The following TACC3 variants were observed in gnomAD, a reference collection of about 807,000 sequenced individuals.
TACC3 encodes the protein transforming acidic coiled-coil containing protein 3.
TACC3 carries 52 observed loss-of-function variants against 86.0 expected under a neutral mutation model. The ratio of observed to expected loss-of-function variants is 0.60; its 90% CI spans 0.48 to 0.76. TACC3 has a LOEUF of 0.76. Ranked by LOEUF, TACC3 falls within the 30% of genes least tolerant of loss-of-function variation. The pLI, the probability that TACC3 is intolerant of heterozygous loss-of-function variation, is 0.00. For synonymous variants in TACC3, 512 were observed against 430.0 expected, an observed-to-expected ratio of 1.19 and a Z score of -2.36; for missense variants, 1,120 against 1,070.4, an observed-to-expected ratio of 1.05 and a Z score of -0.65.
At chr4:1,739,084 G>A (rs534540984) in intron 10 of TACC3, among the ~76,000 whole-genome samples, 20 of 152,262 alleles carry the variant, frequency 1.3e-4, no homozygotes, top group African/African-American at 2.9e-4. Context: ...CGAGGTGGGC[G>A]GATCACGAGG....
chr4:1,728,876 A>G, intron 4 of TACC3, 89 bp downstream of exon 4: 2 of 1,332,606 alleles, frequency 1.5e-6, no homozygotes, highest in South Asian at 1.4e-5. Context: ...AAGTGTCATC[A>G]GATACTCCTT....
intron 1 of TACC3, among the ~76,000 whole-genome samples, chr4:1,722,117 C>G (rs915901976): frequency 1.4e-4 from 21 of 152,202 alleles, no homozygotes; most frequent in Non-Finnish European, 2.8e-4. Flanking sequence ...ACCTTCCCCC[C>G]GCACCGCATC....
intron 6 of TACC3, among the ~76,000 whole-genome samples, chr4:1,734,297 C>G (rs1718148647): frequency 6.6e-6 from 1 of 152,126 alleles, no homozygotes; most frequent in Admixed American, 6.5e-5. Context: ...AAGCGATTCT[C>G]CTGCCTCAGC....
At chr4:1,731,345 G>C (rs756426507) in intron 6 of TACC3, 44 bp downstream of exon 6, 1 of 1,597,418 alleles carries the variant, frequency 6.3e-7, no homozygotes, top group Admixed American at 1.7e-5. Context: ...TGCCCGGAGG[G>C]GATCCCGTGA....
Position 1,728,030 on chromosome 4 carries a change from T to G in TACC3, c.628T>G (p.Ser210Ala), listed in dbSNP as rs1408078390. 6.2e-7 allele frequency: 1 copy of G among 1,612,594 alleles called. No individual in the cohort carries two copies. ...CCTAGAAGACCCTTGCAGGACAGAGTCCCAGCACAAAGCGGAGACTCCGCA... is the reference window on the plus strand; with the variant it reads ...CCTAGAAGACCCTTGCAGGACAGAGGCCCAGCACAAAGCGGAGACTCCGCA... ...ETLEDPCRTE[S>A]QHKAETPHGA... is the part of the protein sequence containing the mutation. The change falls in exon 4 of 16, where the codon TCC becomes GCC. Residue 210 changes from serine to alanine, a missense_variant. By Grantham distance (99) the Ser-to-Ala change is moderately conservative. Coordinates refer to ENST00000313288, the MANE Select transcript of TACC3 (RefSeq NM_006342.3).
chr4:1,739,501 C>A lies in TACC3; in HGVS notation c.1942-201C>A, dbSNP rs1718458478. On this transcript the variant is annotated intron_variant, in intron 10 of 15. Transcript: ENST00000313288. ...AGCCAGCAGCCTCATGCCTCCTGCCCCCTGGCAGTCGGGTGCACGTGGAGC... is the reference window on the plus strand; with the variant it reads ...AGCCAGCAGCCTCATGCCTCCTGCCACCTGGCAGTCGGGTGCACGTGGAGC... 5.1e-6 allele frequency: 3 copies of A among 593,634 alleles called. No individual in the cohort carries two copies. In the African/African-American group the frequency reaches 5.6e-5, roughly 11 times the overall value. The allele number at this position is 593,634 out of a possible 1,614,324, so 36.8% of individuals were successfully genotyped here.
Position 1,744,775 on chromosome 4 carries a change from C to A in TACC3, c.2394C>A (p.Ala798=). 1 of 1,612,830 alleles carries A rather than the reference C, an allele frequency of 6.2e-7. No individual in the cohort carries two copies. The highest frequency in any genetic ancestry group is 8.5e-7 in the Non-Finnish European group (1 of 1,180,020). The change falls in exon 15 of 16, where the codon GCC becomes GCA. Residue 798 remains alanine, a synonymous_variant. Transcript: ENST00000313288. The part of the protein sequence containing the change: ...KAQAEALALQ[A]SLRKEQMRIQ... ...AGGCGGAAGCGTTGGCCCTCCAGGC[C>A]AGCCTGAGGAAGGAGCAGATGCGCA... is the stretch of plus-strand genomic sequence containing the variant.
intron 12 of TACC3, chr4:1,740,354 G>A (rs1718526699): frequency 2.3e-6 from 1 of 429,580 alleles, no homozygotes; most frequent in Non-Finnish European, 4.2e-6. Flanking sequence ...CTCTGTAGGT[G>A]TCTGGCAGGA....
rs1023814001 is a variant in TACC3, at chr4:1,735,650, C to T, written c.1645-81C>T. The T allele has an allele frequency of 6.2e-6, 7 of 1,127,196 alleles. No individual in the cohort carries two copies. In the Admixed American group the frequency reaches 1.0e-4, roughly 17 times the overall value. The allele number at this position is 1,127,196 out of a possible 1,614,324, so 69.8% of individuals were successfully genotyped here. A position where few individuals can be genotyped will look rare whatever the true frequency, so the allele number is the denominator to read the frequency against. On this transcript the variant is annotated intron_variant, in intron 7 of 15. Transcript: ENST00000313288. The surrounding 1 kb of genome is among the most constrained non-coding windows in gnomAD (Gnocchi z 4.2). ...GCGGGTGACCGGGGGTGGGAGTGTG[C>T]AGGTGACCTCCCTGGCCCTTAGCCC...
chr4:1,727,518 G>A (rs1410481304), intron 3 of TACC3, among the ~76,000 whole-genome samples, 190 bp from the exon 4 acceptor site: 1 of 152,184 alleles, frequency 6.6e-6, no homozygotes, highest in African/African-American at 2.4e-5. Flanking sequence ...CCGGGAGCTG[G>A]TCCCTGGGAG....
chr4:1,743,551 T>TAAA (rs924737953), intron 13 of TACC3, among the ~76,000 whole-genome samples: 1 of 11,990 alleles, frequency 8.3e-5, no homozygotes, highest in Non-Finnish European at 1.6e-3. Flanking sequence ...AGTCTCCGTC[T>TAAA]AAAAAAAAAA....
At chr4:1,740,453 G>A (rs375901107) in intron 12 of TACC3, 13 of 301,406 alleles carry the variant, frequency 4.3e-5, no homozygotes, top group South Asian at 1.5e-4. Flanking sequence ...AGTGTCAGCC[G>A]GCGGCAGGTG....
intron 10 of TACC3, 43 bp downstream of exon 10, chr4:1,737,745 G>T (rs556405734): frequency 6.6e-7 from 1 of 1,522,544 alleles, no homozygotes; most frequent in Non-Finnish European, 8.9e-7. Context: ...CCTGCAGGCC[G>T]CTCTGGGGCT....
intron 5 of TACC3, 57 bp downstream of exon 5, chr4:1,731,019 C>G: frequency 1.2e-6 from 2 of 1,606,070 alleles, no homozygotes; most frequent in Non-Finnish European, 1.7e-6. Context: ...AGAAGAGTAG[C>G]AGGCAGTGGA....
At chr4:1,731,378 C>T in intron 6 of TACC3, 77 bp downstream of exon 6, 1 of 1,539,630 alleles carries the variant, frequency 6.5e-7, no homozygotes, top group African/African-American at 1.4e-5. Flanking sequence ...CTCGAGACAC[C>T]TGCATCATCG....
At chr4:1,744,463 G>A (rs891768932) in intron 13 of TACC3, 55 bp from the exon 14 acceptor site, 1 of 1,532,796 alleles carries the variant, frequency 6.5e-7, no homozygotes, top group African/African-American at 1.4e-5. Flanking sequence ...CACCAAGCCT[G>A]GGTGCTCTCC....
chr4:1,725,508 G>A (rs1717641930), intron 3 of TACC3, among the ~76,000 whole-genome samples: 1 of 152,108 alleles, frequency 6.6e-6, no homozygotes, highest in African/African-American at 2.4e-5. Flanking sequence ...GGTTTACAAC[G>A]ACCCCAAGAA....
rs147889290 is a variant in TACC3 at position 1,736,964 on chromosome 4, C to T, written c.1749-277C>T. 6.3e-4 allele frequency among the ~76,000 whole-genome samples: 95 copies of T among 151,934 alleles called. No homozygotes were observed. The East Asian group carries it at 0.016, about 26-fold the overall frequency. On this transcript the variant is annotated intron_variant, in intron 8 of 15. Transcript: ENST00000313288. ...TGTGAACAGCCCCCTGATGAGGCAG[C>T]ACTGGCTCCGCTCAGCCTGCAGTGG...
Position 1,742,956 on chromosome 4 carries a change from G to T in TACC3, c.2224-1562G>T, listed in dbSNP as rs369222175. ...CACTCCAGCCTGGGCGACAGAGCGA[G>T]ACTCTCTCAGAAAACAAAAAATACA... On this transcript the variant is annotated intron_variant, in intron 13 of 15. Transcript: ENST00000313288. 4.6e-5 allele frequency among the ~76,000 whole-genome samples: 7 copies of T among 152,284 alleles called. No homozygotes were observed. In the East Asian group the frequency reaches 7.7e-4, roughly 17 times the overall value.
Sources: allele counts gnomAD v4.1 joint callset (sites outside exome capture counted in the v4.1 genomes callset), GRCh38; gene constraint gnomAD v4.1.1; non-coding constraint Gnocchi (gnomAD v3.1); transcripts MANE v1.5; gene names NCBI Gene and HGNC (gene_info 2026-07-23, HGNC 2026-07-21).